Variants in TGIF2 observed in about 807,000 individuals in gnomAD.
TGIF2 encodes the protein homeobox protein TGIF2.
TGIF2 carries 5 observed loss-of-function variants against 15.1 expected under a neutral mutation model. That is an observed-to-expected ratio of 0.33 (90% CI 0.17 to 0.70). The LOEUF (loss-of-function observed/expected upper bound fraction) is 0.70, where lower values mean the gene tolerates loss of function less well. TGIF2 is among the 30% of genes least tolerant of loss of function. TGIF2 has a pLI of 0.67. For synonymous variants in TGIF2, 131 were observed against 128.9 expected (o/e 1.02, Z -0.11); for missense variants, 264 against 302.5 (o/e 0.87, Z 0.94).
At chr20:36,577,460 C>T (rs1414126122) in intron 1 of TGIF2, among the ~76,000 whole-genome samples, 2 of 151,790 alleles carry the variant, frequency 1.3e-5, no homozygotes, top group Non-Finnish European at 2.9e-5. Flanking sequence ...AGCCACCCAC[C>T]TCGGCCTCCC....
At position 36,592,626 on chromosome 20, in the gene TGIF2, G is replaced by C. The variant is rs2038787093; in HGVS notation, c.*1195G>C. The stretch of plus-strand genomic sequence containing the variant: ...GGGGAAAGCAGGAATGGTGTCCACT[G>C]CTGCGGAGGAACTGCCTTCAGAGAA... On this transcript the variant is annotated 3_prime_UTR_variant, in exon 3 of 3. Transcript: ENST00000373872. 6.6e-6 allele frequency: 1 copy of C among 152,532 alleles called. No homozygotes were observed. Among genetic ancestry groups the C allele is most frequent in the African/African-American group, 2.4e-5 (1 of 41,444 alleles). The allele number at this position is 152,532 out of a possible 1,614,324, so 9.4% of individuals were successfully genotyped here.
At position 36,593,253 on chromosome 20, in the gene TGIF2, T is replaced by A. The variant is rs990605065; in HGVS notation, c.*1822T>A. Reference sequence around the variant, plus strand: ...CCAGGTCAGGCACAAGGAGAAAAGGTTCCTGGATACTGACTAACTTGGGTG... The same window carrying A: ...CCAGGTCAGGCACAAGGAGAAAAGGATCCTGGATACTGACTAACTTGGGTG... On this transcript the variant is annotated 3_prime_UTR_variant, in exon 3 of 3. Transcript: ENST00000373872. 2.3e-5 allele frequency: 3 copies of A among 129,354 alleles called. No homozygotes were observed. Among genetic ancestry groups the A allele is most frequent in the African/African-American group, 9.1e-5 (3 of 32,924 alleles). 8.0% of individuals were successfully genotyped at this position (129,354 alleles called of 1,614,324 possible). A position where few individuals can be genotyped will look rare whatever the true frequency, so the allele number is the denominator to read the frequency against.
chr20:36,584,076 GA>G (rs1023652108), intron 2 of TGIF2, among the ~76,000 whole-genome samples: 4 of 151,174 alleles, frequency 2.6e-5, no homozygotes, highest in African/African-American at 9.7e-5. Flanking sequence ...CAAAAAAAAA[GA>G]AAAAAAAATT....
At chr20:36,578,659 A>G in intron 1 of TGIF2, 82 bp from the exon 2 acceptor site, 2 of 1,432,624 alleles carry the variant, frequency 1.4e-6, no homozygotes, top group Non-Finnish European at 1.9e-6. Context: ...TCCCAGGCTC[A>G]AGTAATGCTG....
chr20:36,591,359 T>G lies in TGIF2; in HGVS notation c.642T>G (p.Leu214=). Residue 214 remains leucine (L), a synonymous_variant, in exon 3 of 3, where the codon CTT becomes CTG. Transcript: ENST00000373872. This position sits in a 1 kb window ranked among gnomAD's most constrained non-coding sequence, Gnocchi z 5.3. ...TACAGAGGGCTGCTGAGATGGAGCT[T>G]CAGAAGCAGCAGGACCCATCACTCC... ...VALQRAAEME[L]QKQQDPSLPL... is the part of the protein sequence containing the mutation. 6.2e-7 allele frequency: 1 copy of G among 1,614,166 alleles called. No individual in the cohort carries two copies. Among genetic ancestry groups the G allele is most frequent in the South Asian group, 1.1e-5 (1 of 91,086 alleles).
At chr20:36,580,659 A>T (rs1600772005) in intron 2 of TGIF2, among the ~76,000 whole-genome samples, 1 of 151,276 alleles carries the variant, frequency 6.6e-6, no homozygotes, top group Non-Finnish European at 1.5e-5. Context: ...AAAACAAAAA[A>T]ATTAGCTGGG....
At chr20:36,576,797 C>G (rs771567538) in intron 1 of TGIF2, among the ~76,000 whole-genome samples, 7 of 152,094 alleles carry the variant, frequency 4.6e-5, no homozygotes, top group Non-Finnish European at 8.8e-5. Flanking sequence ...CCTCTGCCTC[C>G]GGGCTCAAGC....
At chr20:36,575,656 T>G (rs1340433258) in intron 1 of TGIF2, among the ~76,000 whole-genome samples, 4 of 152,060 alleles carry the variant, frequency 2.6e-5, no homozygotes, top group African/African-American at 4.8e-5. Context: ...AGCCCAGAGA[T>G]CTGGGCTCGG....
chr20:36,588,949 C>G (rs951781688), intron 2 of TGIF2, among the ~76,000 whole-genome samples: 1 of 152,182 alleles, frequency 6.6e-6, no homozygotes, highest in Non-Finnish European at 1.5e-5. Context: ...TACCATTCAC[C>G]GGTTCCTTAA....
In TGIF2 at chr20:36,581,632, C is replaced by CTG. The variant is rs11472732; in HGVS notation, c.192+2681_192+2682dup. Among the ~76,000 whole-genome samples the CTG allele has an allele frequency of 0.014, 2,155 of 150,566 alleles. 126 individuals are homozygous for CTG. In the East Asian group the frequency reaches 0.2, roughly 14 times the overall value. On this transcript the variant is annotated intron_variant, in intron 2 of 2. Coordinates refer to ENST00000373872, the MANE Select transcript of TGIF2 (RefSeq NM_021809.7). The stretch of plus-strand genomic sequence containing the variant: ...ATACTAACTCCTTTTATTTATTTAT[C>CTG]TGTGTGTGTGTGTGTGATGGAGTCT...
In TGIF2 at chr20:36,593,637, T is replaced by G. The variant is rs527747479; in HGVS notation, c.*2206T>G. 6.5e-6 allele frequency: 1 copy of G among 152,838 alleles called. No homozygotes were observed. Among genetic ancestry groups the G allele is most frequent in the African/African-American group, 2.4e-5 (1 of 41,560 alleles). The allele number at this position is 152,838 out of a possible 1,614,324, so 9.5% of individuals were successfully genotyped here. Reference sequence around the variant, plus strand: ...TCCCAGCCCTGTCAGTGAGCCCAGGTCTGGTGCAACTGCTGCAGGATGCCT... The same window carrying G: ...TCCCAGCCCTGTCAGTGAGCCCAGGGCTGGTGCAACTGCTGCAGGATGCCT... On this transcript the variant is annotated 3_prime_UTR_variant, in exon 3 of 3. Coordinates refer to ENST00000373872, the MANE Select transcript of TGIF2 (RefSeq NM_021809.7).
intron 2 of TGIF2, among the ~76,000 whole-genome samples, chr20:36,585,833 G>T (rs960638937): frequency 5.3e-5 from 8 of 152,190 alleles, no homozygotes; most frequent in African/African-American, 1.9e-4. Flanking sequence ...TGTAACAATG[G>T]TTGGGGATAT....
chr20:36,576,530 G>A (rs1173380902), intron 1 of TGIF2, among the ~76,000 whole-genome samples: 2 of 152,114 alleles, frequency 1.3e-5, no homozygotes, highest in African/African-American at 4.8e-5. Flanking sequence ...TCACAAGAGG[G>A]GGTGGGGAGA....
At chr20:36,583,903 G>C (rs544862970) in intron 2 of TGIF2, among the ~76,000 whole-genome samples, 1 of 151,300 alleles carries the variant, frequency 6.6e-6, no homozygotes, top group South Asian at 2.1e-4. Flanking sequence ...TCTCAAAAAA[G>C]AAAAGAAAAA....
intron 2 of TGIF2, among the ~76,000 whole-genome samples, chr20:36,582,881 T>C (rs1292124578): frequency 6.6e-6 from 1 of 152,216 alleles, no homozygotes; most frequent in African/African-American, 2.4e-5. Flanking sequence ...AATTACCAGC[T>C]CCTGTACAAA....
chr20:36,582,658 GAAATGT>G (rs891227592), intron 2 of TGIF2, among the ~76,000 whole-genome samples: 11 of 152,256 alleles, frequency 7.2e-5, no homozygotes, highest in Non-Finnish European at 1.5e-4. Context: ...CCCACCTGGA[GAAATGT>G]AAATGTAAGG....
At position 36,591,385 on chromosome 20, in the gene TGIF2, C is replaced by A; in HGVS notation, c.668C>A (p.Pro223Gln). ...CAGAAGCAGCAGGACCCATCACTCC[C>A]ATTACTGCACACTCCCATCCCTTTA... ...ELQKQQDPSLPLLHTPIPLVS... is the reference protein window; with the variant it reads ...ELQKQQDPSLQLLHTPIPLVS... Residue 223 changes from proline (P) to glutamine (Q), a missense_variant, in exon 3 of 3, where the codon CCA becomes CAA. Coordinates refer to ENST00000373872, the MANE Select transcript of TGIF2 (RefSeq NM_021809.7). The surrounding 1 kb of genome is among the most constrained non-coding windows in gnomAD (Gnocchi z 5.3). 1 of 1,614,092 alleles carries A rather than the reference C, an allele frequency of 6.2e-7. No individual in the cohort carries two copies. Among genetic ancestry groups the A allele is most frequent in the East Asian group, 2.2e-5 (1 of 44,878 alleles).
At chr20:36,574,891 GT>G (rs1246371273) in intron 1 of TGIF2, 1 of 153,240 alleles carries the variant, frequency 6.5e-6, no homozygotes, top group African/African-American at 2.4e-5. Context: ...AGCTAGGGGA[GT>G]TGTCAGAAAG....
intron 2 of TGIF2, among the ~76,000 whole-genome samples, 168 bp downstream of exon 2, chr20:36,579,134 A>G (rs1323124440): frequency 2.0e-5 from 3 of 152,180 alleles, no homozygotes; most frequent in Non-Finnish European, 4.4e-5. Context: ...TCAAGGGAAG[A>G]CAATGAAATA....
Sources: gnomAD v4.1 joint callset for allele counts (sites outside exome capture counted in the v4.1 genomes callset) on GRCh38, gnomAD v4.1.1 for gene constraint, Gnocchi (gnomAD v3.1) non-coding constraint, MANE v1.5 for transcripts, NCBI Gene and HGNC (gene_info 2026-07-23, HGNC 2026-07-21) for gene names.